The following PDE4D variants were observed in gnomAD, a reference collection of about 807,000 sequenced individuals.
PDE4D encodes phosphodiesterase 4D, also known as 3',5'-cyclic-AMP phosphodiesterase 4D.
Under a neutral mutation model 87.4 loss-of-function variants are expected in PDE4D, and 24 were observed. The observed-to-expected ratio is 0.27, with a 90% CI of 0.20 to 0.39. The LOEUF (loss-of-function observed/expected upper bound fraction) is 0.39, where lower values mean the gene tolerates loss of function less well. Among genes scored for constraint, PDE4D ranks in the 10% least tolerant of loss-of-function variants. The probability of loss-of-function intolerance (pLI) is 1.00; values close to 1 mark genes in which losing one functional copy is unlikely to be tolerated. For missense variants in PDE4D, 714 were observed against 1,041.0 expected (o/e 0.69, Z 4.32); for synonymous variants, 384 against 383.2 (o/e 1.00, Z -0.02).
At chr5:60,328,726 T>C (rs1023682953) in intron 1 of PDE4D, among the ~76,000 whole-genome samples, 1 of 152,226 alleles carries the variant, frequency 6.6e-6, no homozygotes, top group Non-Finnish European at 1.5e-5. Context: ...TGTTATTTAG[T>C]AGTGAAGAAT....
At chr5:60,321,309 G>A (rs956715432) in intron 1 of PDE4D, among the ~76,000 whole-genome samples, 9 of 152,092 alleles carry the variant, frequency 5.9e-5, no homozygotes, top group Non-Finnish European at 1.2e-4. Context: ...AGGATTCCCT[G>A]TTCAATAAAT....
At chr5:59,187,626 G>T (rs1743218491) in intron 3 of PDE4D, among the ~76,000 whole-genome samples, 1 of 152,194 alleles carries the variant, frequency 6.6e-6, no homozygotes, top group African/African-American at 2.4e-5. Flanking sequence ...CTCTCCTTCA[G>T]ACAATCAGCT....
intron 7 of PDE4D, among the ~76,000 whole-genome samples, chr5:58,992,574 A>T (rs1473090934): frequency 6.6e-6 from 1 of 152,166 alleles, no homozygotes; most frequent in Non-Finnish European, 1.5e-5. Context: ...TGATAGTGAG[A>T]TAAGGGTTAA....
chr5:59,484,398 A>T (rs1004231201), intron 1 of PDE4D, among the ~76,000 whole-genome samples: 1 of 152,166 alleles, frequency 6.6e-6, no homozygotes, highest in Admixed American at 6.5e-5. Context: ...GGCTCTGTAA[A>T]TGTCATATCT....
intron 1 of PDE4D, among the ~76,000 whole-genome samples, chr5:59,589,761 G>A (rs747275984): frequency 4.6e-5 from 7 of 152,256 alleles, no homozygotes; most frequent in Non-Finnish European, 7.4e-5. Context: ...TGCGGGCAAT[G>A]ATATAAGCAA....
intron 1 of PDE4D, among the ~76,000 whole-genome samples, chr5:60,270,152 A>C: frequency 6.6e-6 from 1 of 152,208 alleles, no homozygotes; most frequent in East Asian, 1.9e-4. Context: ...AGACAGGGAA[A>C]GAGATAGGAA....
chr5:60,102,348 T>A (rs1420033304), intron 2 of PDE4D, among the ~76,000 whole-genome samples: 1 of 152,136 alleles, frequency 6.6e-6, no homozygotes, highest in Non-Finnish European at 1.5e-5. Flanking sequence ...GGGATATGAA[T>A]CCTGTCACTC....
intron 1 of PDE4D, among the ~76,000 whole-genome samples, chr5:59,372,118 A>G (rs1212052877): frequency 6.6e-6 from 1 of 152,220 alleles, no homozygotes; most frequent in African/African-American, 2.4e-5. Flanking sequence ...GAAAGGACTC[A>G]AGGCTTCTCT....
chr5:59,236,439 T>A (rs1756441284), intron 1 of PDE4D, among the ~76,000 whole-genome samples: 1 of 152,190 alleles, frequency 6.6e-6, no homozygotes, highest in Non-Finnish European at 1.5e-5. Flanking sequence ...AGGCCTCCTT[T>A]TGGATACTCT....
intron 1 of PDE4D, among the ~76,000 whole-genome samples, chr5:60,332,290 T>C (rs1757371932): frequency 6.6e-6 from 1 of 152,212 alleles, no homozygotes; most frequent in South Asian, 2.1e-4. Flanking sequence ...GTCCAGATAG[T>C]GAACATAGTA....
chr5:59,840,004 G>A (rs1742727123), intron 1 of PDE4D, among the ~76,000 whole-genome samples: 1 of 151,930 alleles, frequency 6.6e-6, no homozygotes, highest in Admixed American at 6.6e-5. Flanking sequence ...AGCTTGTGGT[G>A]GGGGGCTCCC....
At chr5:59,764,597 A>G (rs1159455682) in intron 1 of PDE4D, among the ~76,000 whole-genome samples, 1 of 151,210 alleles carries the variant, frequency 6.6e-6, no homozygotes, top group East Asian at 1.9e-4. Flanking sequence ...TACCTGGTAA[A>G]TATAGCATAT....
chr5:59,191,647 C>T (rs1234513900), intron 3 of PDE4D, among the ~76,000 whole-genome samples: 1 of 152,052 alleles, frequency 6.6e-6, no homozygotes, highest in African/African-American at 2.4e-5. Context: ...TGGCTCACTG[C>T]AACCTCCACC....
intron 1 of PDE4D, among the ~76,000 whole-genome samples, chr5:59,544,813 T>C (rs1311131381): frequency 3.3e-5 from 5 of 152,226 alleles, no homozygotes; most frequent in African/African-American, 7.2e-5. Context: ...CATCAATTTA[T>C]AGACAGAACA....
rs1742471927 is a variant in PDE4D, at chr5:58,970,800, C to G, written c.*3864G>C. On this transcript the variant is annotated 3_prime_UTR_variant, in exon 15 of 15. Coordinates refer to ENST00000340635, the MANE Select transcript of PDE4D (RefSeq NM_001104631.2). ...GTAAACTCTGGCTCCAATTTCAAAT[C>G]AAGTCCATTTTCCTATGAGCTCTAG... 6.6e-6 allele frequency: 1 copy of G among 151,086 alleles called. No individual in the cohort carries two copies. The highest frequency in any genetic ancestry group is 2.0e-4 in the East Asian group (1 of 5,116). 9.4% of individuals were successfully genotyped at this position (151,086 alleles called of 1,614,324 possible).
At chr5:59,652,997 G>T (rs1057318594) in intron 1 of PDE4D, among the ~76,000 whole-genome samples, 5 of 151,662 alleles carry the variant, frequency 3.3e-5, no homozygotes, top group African/African-American at 9.7e-5. Context: ...CAAATCCATT[G>T]ATATTTAATA....
intron 1 of PDE4D, among the ~76,000 whole-genome samples, chr5:59,353,837 A>G (rs1453846023): frequency 6.6e-6 from 1 of 152,060 alleles, no homozygotes. Flanking sequence ...AATGTATTTT[A>G]CCCACATAAG....
At chr5:59,089,217 G>A (rs1011907050) in intron 5 of PDE4D, among the ~76,000 whole-genome samples, 1 of 152,112 alleles carries the variant, frequency 6.6e-6, no homozygotes, top group Non-Finnish European at 1.5e-5. Context: ...TGTGCTAAGT[G>A]AGCTGGAGTT....
intron 1 of PDE4D, among the ~76,000 whole-genome samples, chr5:60,212,092 G>C (rs537808478): frequency 6.6e-6 from 1 of 152,220 alleles, no homozygotes; most frequent in East Asian, 1.9e-4. Context: ...GTACATAGCA[G>C]CTGTTATCAT....
Sources: gnomAD v4.1 joint callset for allele counts (sites outside exome capture counted in the v4.1 genomes callset) on GRCh38, gnomAD v4.1.1 for gene constraint, MANE v1.5 for transcripts, NCBI Gene and HGNC (gene_info 2026-07-23, HGNC 2026-07-21) for gene names.